CLINT1: variants seen among roughly 807,000 people sequenced by gnomAD.
CLINT1 encodes clathrin interactor 1.
A neutral mutation model predicts 70.4 loss-of-function variants in CLINT1; 15 were observed. The ratio of observed to expected loss-of-function variants is 0.21; its 90% CI spans 0.14 to 0.33. The LOEUF (loss-of-function observed/expected upper bound fraction) is 0.33. Among genes scored for constraint, CLINT1 ranks in the 10% least tolerant of loss-of-function variants. CLINT1 has a pLI of 1.00. For synonymous variants in CLINT1, 227 were observed against 254.7 expected, an observed-to-expected ratio of 0.89 and a Z score of 1.04; for missense variants, 615 against 778.1, an observed-to-expected ratio of 0.79 and a Z score of 2.49.
intron 1 of CLINT1, among the ~76,000 whole-genome samples, chr5:157,829,119 A>C (rs113331854): frequency 4.1e-4 from 62 of 151,766 alleles, no homozygotes; most frequent in African/African-American, 1.4e-3. Context: ...AACAACAGCA[A>C]CAACAACAAC....
chr5:157,840,213 AG>A (rs1753121135), intron 1 of CLINT1, among the ~76,000 whole-genome samples: 6 of 141,454 alleles, frequency 4.2e-5, no homozygotes, highest in Admixed American at 7.0e-5. Flanking sequence ...AAAAAAAAAA[AG>A]GAAAAAAGAG....
At position 157,833,309 on chromosome 5, in the gene CLINT1, C is replaced by CCA. The variant is rs529402213; in HGVS notation, c.42-15764_42-15763dup. On this transcript the variant is annotated intron_variant, in intron 1 of 11. Coordinates refer to ENST00000411809, the MANE Select transcript of CLINT1 (RefSeq NM_014666.4). Reference sequence around the variant, plus strand: ...GAGGCTGCCATGAGCCGAGATCATGCCAATGCACTTCAGCCTGGGTGACAG... The same window carrying CCA: ...GAGGCTGCCATGAGCCGAGATCATGCCACAATGCACTTCAGCCTGGGTGACAG... Among the ~76,000 whole-genome samples the CCA allele has an allele frequency of 1.6e-3, 247 of 151,908 alleles. 2 individuals are homozygous for CCA. The highest frequency in any genetic ancestry group is 2.6e-3 in the Non-Finnish European group (176 of 67,970).
intron 8 of CLINT1, among the ~76,000 whole-genome samples, chr5:157,800,974 C>G (rs1333862595): frequency 1.3e-5 from 2 of 152,096 alleles, no homozygotes; most frequent in Non-Finnish European, 2.9e-5. Flanking sequence ...TATTTCATGC[C>G]AGGAAGTCCA....
chr5:157,834,216 G>A (rs1187006), intron 1 of CLINT1, among the ~76,000 whole-genome samples: 20,360 of 151,362 alleles, frequency 0.13, 1,790 homozygotes, highest in African/African-American at 0.25. Context: ...TACAAAAAAA[G>A]TTAGCCAGGC....
At chr5:157,814,807 C>T (rs1337827801) in intron 3 of CLINT1, among the ~76,000 whole-genome samples, 4 of 151,862 alleles carry the variant, frequency 2.6e-5, no homozygotes, top group Non-Finnish European at 5.9e-5. Flanking sequence ...CCGAGGTGGG[C>T]GGATCACTTG....
intron 5 of CLINT1, among the ~76,000 whole-genome samples, chr5:157,811,456 C>T (rs895958175): frequency 1.3e-5 from 2 of 151,434 alleles, no homozygotes; most frequent in African/African-American, 2.4e-5. Context: ...TCACTTGAAC[C>T]CGGGAGGCGG....
At chr5:157,814,759 A>G (rs1318414718) in intron 3 of CLINT1, among the ~76,000 whole-genome samples, 1 of 152,140 alleles carries the variant, frequency 6.6e-6, no homozygotes, top group Non-Finnish European at 1.5e-5. Flanking sequence ...GGCCAGGCTC[A>G]GCGGCTCATG....
intron 1 of CLINT1, among the ~76,000 whole-genome samples, chr5:157,819,215 T>A (rs550757706): frequency 1.3e-5 from 2 of 152,302 alleles, no homozygotes; most frequent in South Asian, 2.1e-4. Flanking sequence ...TGCATTTAAG[T>A]GTGACTTGCC....
rs549752839 is a variant in CLINT1, at chr5:157,824,576, G to A, written c.42-7029C>T. On this transcript the variant is annotated intron_variant, in intron 1 of 11. Transcript: ENST00000411809. The stretch of plus-strand genomic sequence containing the variant: ...GTCTTAACACAAGCGACAACATAGC[G>A]CAGTAGAAGAGATAATTTTGCTATA... Among the ~76,000 whole-genome samples the A allele has an allele frequency of 3.9e-5, 6 of 152,268 alleles. No individual in the cohort carries two copies. The East Asian group carries it at 7.7e-4, about 20-fold the overall frequency.
intron 1 of CLINT1, among the ~76,000 whole-genome samples, chr5:157,823,034 A>C (rs1762924355): frequency 2.6e-5 from 4 of 152,168 alleles, no homozygotes; most frequent in African/African-American, 9.7e-5. Context: ...AAAAAAACTG[A>C]AGTCAAATGA....
intron 1 of CLINT1, among the ~76,000 whole-genome samples, chr5:157,829,689 A>ATTTTTTTTTTTT (rs3075709): frequency 1.8e-5 from 2 of 109,148 alleles, no homozygotes; most frequent in Non-Finnish European, 3.6e-5. Flanking sequence ...ACACCCAGCT[A>ATTTTTTTTTTTT]TTTTTTTTTT....
chr5:157,788,520 T>A (rs186954392), intron 11 of CLINT1, among the ~76,000 whole-genome samples: 127 of 152,292 alleles, frequency 8.3e-4, no homozygotes, highest in Admixed American at 2.8e-3. Context: ...ACAATTGAAA[T>A]AATTAGCAAG....
At chr5:157,857,134 C>A (rs182544447) in intron 1 of CLINT1, among the ~76,000 whole-genome samples, 1 of 151,236 alleles carries the variant, frequency 6.6e-6, no homozygotes, top group East Asian at 1.9e-4. Context: ...GTAGTCCTGG[C>A]CACTTGGGAG....
At chr5:157,811,358 A>G (rs1435784233) in intron 5 of CLINT1, among the ~76,000 whole-genome samples, 2 of 152,014 alleles carry the variant, frequency 1.3e-5, no homozygotes, top group Non-Finnish European at 2.9e-5. Context: ...CCTGGCCAAC[A>G]TGGCGAAACC....
chr5:157,854,120 C>T (rs139383229), intron 1 of CLINT1, among the ~76,000 whole-genome samples: 34 of 152,214 alleles, frequency 2.2e-4, no homozygotes, highest in African/African-American at 8.2e-4. Context: ...TCTCTGCTTT[C>T]AAATTCCAAG....
rs774178976 is a variant in CLINT1, at chr5:157,803,718, G to T, written c.944C>A (p.Thr315Asn). The change falls in exon 8 of 12, where the codon ACT becomes AAT. Residue 315 changes from threonine to asparagine, a missense_variant and splice_region_variant. Transcript: ENST00000411809. ...AGATGACTTGCTGCTAGGCACTGAA[G>T]TCTGAAAACACACACATAACTCAGG... ...STHTPQSSVK[T>N]SVPSSKSSGD... is the part of the protein sequence containing the mutation. 1.9e-6 allele frequency: 3 copies of T among 1,552,524 alleles called. No individual in the cohort carries two copies. The South Asian group carries it at 3.8e-5, about 20-fold the overall frequency.
intron 8 of CLINT1, among the ~76,000 whole-genome samples, chr5:157,800,440 G>A (rs970675726): frequency 6.6e-6 from 1 of 152,078 alleles, no homozygotes; most frequent in African/African-American, 2.4e-5. Flanking sequence ...ACCTTCTCGT[G>A]TAAGTGCTAA....
intron 1 of CLINT1, among the ~76,000 whole-genome samples, chr5:157,847,608 G>C (rs1753427528): frequency 6.6e-6 from 1 of 152,168 alleles, no homozygotes; most frequent in Admixed American, 6.5e-5. Flanking sequence ...AGGGGTTCAA[G>C]ACTTCAGTGA....
rs753397017 is a variant in CLINT1, at chr5:157,858,940, C to T, written c.31G>A (p.Val11Met). Residue 11 changes from valine (V) to methionine (M), a missense_variant, in exon 1 of 12, where the codon GTG (valine) becomes ATG (methionine). By Grantham distance (21) the Val-to-Met change is conservative. Coordinates refer to ENST00000411809, the MANE Select transcript of CLINT1 (RefSeq NM_014666.4). The part of the protein sequence containing the change: MLNMWKVREL[V>M]DKATNVVMNY... Reference sequence around the variant, plus strand: ...CCCCCCGATACTCACGCTTTGTCCACCAGCTCGCGCACCTTCCACATGTTC... The same window carrying T: ...CCCCCCGATACTCACGCTTTGTCCATCAGCTCGCGCACCTTCCACATGTTC... The T allele has an allele frequency of 5.6e-6, 9 of 1,607,176 alleles. No individual in the cohort carries two copies. The East Asian group carries it at 2.0e-4, about 36-fold the overall frequency.
Sources: allele counts gnomAD v4.1 joint callset (sites outside exome capture counted in the v4.1 genomes callset), GRCh38; gene constraint gnomAD v4.1.1; transcripts MANE v1.5; gene names NCBI Gene and HGNC (gene_info 2026-07-23, HGNC 2026-07-21).